Variants in GALNT13 observed in about 807,000 individuals in gnomAD.
GALNT13 encodes polypeptide N-acetylgalactosaminyltransferase 13.
In GALNT13, 28 loss-of-function variants were observed where a neutral mutation model predicts 64.2. That is an observed-to-expected ratio of 0.44 (90% CI 0.32 to 0.60). GALNT13 has a LOEUF of 0.60. GALNT13 is among the 20% of genes least tolerant of loss of function. The pLI is 0.05. For missense variants in GALNT13, 577 were observed against 669.8 expected (o/e 0.86, Z 1.53); for synonymous variants, 214 against 224.6 (o/e 0.95, Z 0.42).
the GALNT13 span, among the ~76,000 whole-genome samples, chr2:153,358,397 A>G: frequency 3.3e-5 from 5 of 152,208 alleles, no homozygotes; most frequent in African/African-American, 1.2e-4. Context: ...TAACAATTGC[A>G]GACATCCACA....
At chr2:153,639,967 A>G in the GALNT13 span, among the ~76,000 whole-genome samples, 1 of 152,060 alleles carries the variant, frequency 6.6e-6, no homozygotes, top group Non-Finnish European at 1.5e-5. Context: ...CAAGGGAATA[A>G]TGGGATTTGT....
At chr2:153,831,038 T>C in the GALNT13 span, among the ~76,000 whole-genome samples, 5 of 152,224 alleles carry the variant, frequency 3.3e-5, no homozygotes, top group Non-Finnish European at 7.3e-5. Flanking sequence ...AAAATTATTT[T>C]ACAATTTAAA....
rs1351635594 is a variant in GALNT13 at position 154,161,672 on chromosome 2, CAAAT to C, written c.311+21170_311+21173del. Among the ~76,000 whole-genome samples the C allele has an allele frequency of 2.6e-5, 4 of 152,114 alleles. No individual in the cohort carries two copies. The East Asian group carries it at 5.8e-4, about 22-fold the overall frequency. ...TTTAATTATTTAAATGATGTGACAA[CAAAT>C]AACACTTGGAAAATCATTTTTCAAT... On this transcript the variant is annotated intron_variant, in intron 4 of 12. Transcript: ENST00000392825.
At chr2:153,174,023 A>T in the GALNT13 span, among the ~76,000 whole-genome samples, 3 of 152,220 alleles carry the variant, frequency 2.0e-5, no homozygotes, top group African/African-American at 7.2e-5. Context: ...ATTTTATTAC[A>T]TGTTAAGGCT....
chr2:153,744,055 A>C, the GALNT13 span, among the ~76,000 whole-genome samples: 2 of 152,096 alleles, frequency 1.3e-5, no homozygotes, highest in African/African-American at 4.8e-5. Context: ...TATATGTACA[A>C]TTTTTTTAAT....
rs188314808 is a variant in GALNT13, at chr2:154,394,165, T to C, written c.1157-1826T>C. Among the ~76,000 whole-genome samples the C allele has an allele frequency of 3.8e-4, 56 of 147,798 alleles. 1 individual carries two copies. The East Asian group carries it at 0.011, about 28-fold the overall frequency. Reference sequence around the variant, plus strand: ...CAGATAACTGCTCAGAAAAACCTTCTAGGACTTTATCTTTTAGAGCAGAGG... The same window carrying C: ...CAGATAACTGCTCAGAAAAACCTTCCAGGACTTTATCTTTTAGAGCAGAGG... On this transcript the variant is annotated intron_variant, in intron 9 of 12. Coordinates refer to ENST00000392825, the MANE Select transcript of GALNT13 (RefSeq NM_052917.4).
chr2:153,367,046 C>A, the GALNT13 span, among the ~76,000 whole-genome samples: 1 of 150,512 alleles, frequency 6.6e-6, no homozygotes, highest in Non-Finnish European at 1.5e-5. Context: ...TCATTATCAT[C>A]AGACCTAATC....
At chr2:153,837,721 A>G in the GALNT13 span, among the ~76,000 whole-genome samples, 1 of 152,070 alleles carries the variant, frequency 6.6e-6, no homozygotes, top group South Asian at 2.1e-4. Context: ...ATAATGCTGC[A>G]ATGCACGTGG....
chr2:153,677,856 C>T, the GALNT13 span, among the ~76,000 whole-genome samples: 3 of 152,152 alleles, frequency 2.0e-5, no homozygotes, highest in African/African-American at 4.8e-5. Flanking sequence ...TGGACCCGTT[C>T]CTTTTGCCTT....
the GALNT13 span, among the ~76,000 whole-genome samples, chr2:153,156,259 C>A: frequency 6.6e-6 from 1 of 152,122 alleles, no homozygotes; most frequent in Non-Finnish European, 1.5e-5. Flanking sequence ...TCAGTTGATG[C>A]GGCCACAGCA....
intron 9 of GALNT13, among the ~76,000 whole-genome samples, chr2:154,316,262 G>A (rs1226624160): frequency 6.6e-6 from 1 of 151,966 alleles, no homozygotes; most frequent in East Asian, 1.9e-4. Context: ...TAATTGTTTT[G>A]TTTTATAAAC....
chr2:154,024,021 T>C (rs539568940), intron 3 of GALNT13, among the ~76,000 whole-genome samples: 8 of 152,222 alleles, frequency 5.3e-5, no homozygotes, highest in Admixed American at 1.3e-4. Flanking sequence ...TGAATATTGG[T>C]CCCCACTCTC....
In GALNT13 at chr2:154,245,997, T is replaced by C. The variant is rs11689477; in HGVS notation, c.857+15T>C. On this transcript the variant is annotated intron_variant, in intron 7 of 12. Transcript: ENST00000392825. Reference sequence around the variant, plus strand: ...TTACCTGTCAGGTATGTAGATCATATCTCTTGAAGATTATGTATATCCCCC... The same window carrying C: ...TTACCTGTCAGGTATGTAGATCATACCTCTTGAAGATTATGTATATCCCCC... The C allele has an allele frequency of 0.02, 31,998 of 1,584,342 alleles. 405 individuals carry two copies. Among genetic ancestry groups the C allele is most frequent in the Non-Finnish European group, 0.024 (27,477 of 1,155,554 alleles).
At chr2:153,477,757 CAGG>C in the GALNT13 span, 4 of 158,062 alleles carry the variant, frequency 2.5e-5, no homozygotes, top group Non-Finnish European at 5.5e-5. Context: ...AGGGGGGGAG[CAGG>C]AGAAGAGTGG....
At chr2:153,930,596 G>GT (rs1384045414) in intron 2 of GALNT13, among the ~76,000 whole-genome samples, 6 of 151,988 alleles carry the variant, frequency 3.9e-5, no homozygotes, top group East Asian at 1.9e-4. Context: ...CTCATTGCTA[G>GT]TTTTTTTTAC....
the GALNT13 span, among the ~76,000 whole-genome samples, chr2:153,349,204 A>AAAAAAAC: frequency 3.3e-5 from 5 of 152,058 alleles, no homozygotes; most frequent in African/African-American, 4.8e-5. Context: ...GCAAGTGTGA[A>AAAAAAAC]AAAAAACAAA....
At chr2:153,146,212 T>C in the GALNT13 span, among the ~76,000 whole-genome samples, 1 of 151,646 alleles carries the variant, frequency 6.6e-6, no homozygotes, top group Non-Finnish European at 1.5e-5. Context: ...CCATGAAGTT[T>C]TCTAAAAATG....
At chr2:153,650,152 A>G in the GALNT13 span, among the ~76,000 whole-genome samples, 1 of 152,118 alleles carries the variant, frequency 6.6e-6, no homozygotes, top group East Asian at 1.9e-4. Context: ...GTGCTTCTGT[A>G]TTGGGTGAAT....
chr2:154,139,748 C>A (rs1236912463), intron 3 of GALNT13, among the ~76,000 whole-genome samples: 5 of 151,822 alleles, frequency 3.3e-5, no homozygotes, highest in Non-Finnish European at 7.4e-5. Context: ...TCAAATCCTG[C>A]GTTCTCTTCA....
Sources: allele counts gnomAD v4.1 joint callset (sites outside exome capture counted in the v4.1 genomes callset), GRCh38; gene constraint gnomAD v4.1.1; transcripts MANE v1.5; gene names NCBI Gene and HGNC (gene_info 2026-07-23, HGNC 2026-07-21).